RSRC1: variants seen among roughly 807,000 people sequenced by gnomAD.
RSRC1 encodes arginine and serine rich coiled-coil 1, also known as serine/Arginine-related protein 53.
A neutral mutation model predicts 49.1 loss-of-function variants in RSRC1; 39 were observed. The observed-to-expected ratio is 0.79, with a 90% CI of 0.61 to 1.04. The LOEUF (loss-of-function observed/expected upper bound fraction) is 1.04, where lower values mean the gene tolerates loss of function less well. Among genes scored for constraint, RSRC1 ranks in the 50% least tolerant of loss-of-function variants. The pLI is 0.00. For missense variants in RSRC1, 388 were observed against 402.4 expected (o/e 0.96, Z 0.31); for synonymous variants, 143 against 130.8 (o/e 1.09, Z -0.63).
intron 4 of RSRC1, among the ~76,000 whole-genome samples, chr3:158,241,131 A>G (rs1463296712): frequency 6.6e-6 from 1 of 152,178 alleles, no homozygotes; most frequent in East Asian, 1.9e-4. Flanking sequence ...TATTTATTAC[A>G]ACAAAGAAAT....
At chr3:158,445,253 C>T (rs997230641) in intron 6 of RSRC1, among the ~76,000 whole-genome samples, 2 of 152,042 alleles carry the variant, frequency 1.3e-5, no homozygotes, top group Admixed American at 1.3e-4. Context: ...TGGAACAAAC[C>T]CAGATGTCCA....
At chr3:158,245,106 A>T (rs1723816967) in intron 4 of RSRC1, among the ~76,000 whole-genome samples, 1 of 134,202 alleles carries the variant, frequency 7.5e-6, no homozygotes, top group Non-Finnish European at 1.6e-5. Context: ...TTGGTCCTCT[A>T]GTTCTTTTAG....
intron 1 of RSRC1, among the ~76,000 whole-genome samples, chr3:158,116,576 G>C (rs1395722183): frequency 6.6e-6 from 1 of 151,964 alleles, no homozygotes; most frequent in Non-Finnish European, 1.5e-5. Context: ...GGGATACAGT[G>C]ACTACTAAGT....
chr3:158,307,318 G>A (rs1727890334), intron 5 of RSRC1, among the ~76,000 whole-genome samples: 1 of 151,844 alleles, frequency 6.6e-6, no homozygotes, highest in South Asian at 2.1e-4. Flanking sequence ...AAAGTAAAGG[G>A]TATAAACTGG....
chr3:158,365,911 C>CT (rs202190188), intron 6 of RSRC1, among the ~76,000 whole-genome samples: 11,119 of 152,036 alleles, frequency 0.073, 467 homozygotes, highest in South Asian at 0.13. Flanking sequence ...TGATGATGAG[C>CT]TTTTTTTTGT....
intron 7 of RSRC1, among the ~76,000 whole-genome samples, chr3:158,497,244 G>A (rs947676618): frequency 9.3e-5 from 11 of 117,658 alleles, no homozygotes; most frequent in African/African-American, 1.7e-4. Context: ...ACCACCATTA[G>A]GAGTGTACCT....
rs76860037 is a variant in RSRC1 at position 158,120,275 on chromosome 3, T to C, written c.-2-1828T>C. Among the ~76,000 whole-genome samples, 1,340 of 152,254 alleles carry C rather than the reference T, an allele frequency of 8.8e-3. 18 individuals are homozygous for C. The highest frequency in any genetic ancestry group is 0.031 in the African/African-American group (1,283 of 41,566). ...AAGTCTTCCCAGTGTTTTGTTAAAC[T>C]AAAATCTTAGACATGTGAGCAACTT... On this transcript the variant is annotated intron_variant, in intron 1 of 9. Transcript: ENST00000611884.
At chr3:158,296,429 TTGTG>T (rs147168544) in intron 4 of RSRC1, among the ~76,000 whole-genome samples, 2 of 148,938 alleles carry the variant, frequency 1.3e-5, no homozygotes, top group East Asian at 2.0e-4. Flanking sequence ...TAATTTTATT[TTGTG>T]TGTGTGTGTG....
intron 3 of RSRC1, among the ~76,000 whole-genome samples, chr3:158,153,993 C>T (rs1316351662): frequency 2.6e-5 from 4 of 151,978 alleles, no homozygotes; most frequent in African/African-American, 9.7e-5. Flanking sequence ...AATAAAACTC[C>T]AAATTTAAAA....
At chr3:158,112,662 A>T (rs1369595669) in intron 1 of RSRC1, among the ~76,000 whole-genome samples, 1 of 152,076 alleles carries the variant, frequency 6.6e-6, no homozygotes, top group Non-Finnish European at 1.5e-5. Flanking sequence ...CTAAGGAAGG[A>T]TTTATTTTAA....
At chr3:158,373,389 T>C (rs1732184219) in intron 6 of RSRC1, among the ~76,000 whole-genome samples, 2 of 151,918 alleles carry the variant, frequency 1.3e-5, no homozygotes, top group South Asian at 2.1e-4. Flanking sequence ...TTTTTTACGT[T>C]GAGGACGTTT....
At chr3:158,496,151 G>A (rs140706671) in intron 7 of RSRC1, among the ~76,000 whole-genome samples, 427 of 151,992 alleles carry the variant, frequency 2.8e-3, no homozygotes, top group African/African-American at 1.0e-2. Context: ...TATATCTAGC[G>A]GTGCAATTGG....
chr3:158,355,500 A>G (rs1217626012), intron 6 of RSRC1, among the ~76,000 whole-genome samples: 1 of 151,822 alleles, frequency 6.6e-6, no homozygotes, highest in Non-Finnish European at 1.5e-5. Flanking sequence ...TCATTTAGTA[A>G]TTTCCCTAAT....
chr3:158,504,720 G>T (rs1350822590), intron 7 of RSRC1, among the ~76,000 whole-genome samples: 3 of 152,172 alleles, frequency 2.0e-5, no homozygotes, highest in African/African-American at 7.2e-5. Flanking sequence ...ACTTTGGCAA[G>T]TGTATCCAAA....
chr3:158,440,236 CTG>C (rs1332008569), intron 6 of RSRC1, among the ~76,000 whole-genome samples: 2 of 151,168 alleles, frequency 1.3e-5, no homozygotes, highest in South Asian at 4.2e-4. Context: ...AAGTGGCAGA[CTG>C]GGAAAAATGA....
intron 4 of RSRC1, among the ~76,000 whole-genome samples, chr3:158,276,731 T>A (rs1725839843): frequency 6.6e-6 from 1 of 152,202 alleles, no homozygotes; most frequent in South Asian, 2.1e-4. Context: ...AAGTTGATGA[T>A]GTTCTCAACT....
chr3:158,295,014 G>A (rs901973739), intron 4 of RSRC1, among the ~76,000 whole-genome samples: 1 of 152,066 alleles, frequency 6.6e-6, no homozygotes, highest in Non-Finnish European at 1.5e-5. Flanking sequence ...AATGCATATC[G>A]CCAAGGAGTT....
At chr3:158,471,002 G>A (rs1301693627) in intron 7 of RSRC1, among the ~76,000 whole-genome samples, 1 of 152,192 alleles carries the variant, frequency 6.6e-6, no homozygotes, top group Non-Finnish European at 1.5e-5. Context: ...ACAGGCTAAG[G>A]TAGAGGATTT....
At chr3:158,265,689 A>T (rs1370772823) in intron 4 of RSRC1, among the ~76,000 whole-genome samples, 1 of 152,140 alleles carries the variant, frequency 6.6e-6, no homozygotes, top group Non-Finnish European at 1.5e-5. Context: ...AAAAGCTATG[A>T]CTTTTTTTCC....
Sources: allele counts gnomAD v4.1 joint callset (sites outside exome capture counted in the v4.1 genomes callset), GRCh38; gene constraint gnomAD v4.1.1; transcripts MANE v1.5; gene names NCBI Gene and HGNC (gene_info 2026-07-23, HGNC 2026-07-21).